STK3: variants seen among roughly 807,000 people sequenced by gnomAD.
STK3 encodes serine/threonine-protein kinase 3.
STK3 carries 41 observed loss-of-function variants against 58.0 expected under a neutral mutation model. The ratio of observed to expected loss-of-function variants is 0.71; its 90% confidence interval spans 0.55 to 0.92. STK3 has a LOEUF of 0.92. Among genes scored for constraint, STK3 ranks in the 40% least tolerant of loss-of-function variants. The pLI, the probability that STK3 is intolerant of heterozygous loss-of-function variation, is 0.00. For synonymous variants in STK3, 170 were observed against 191.0 expected (o/e 0.89, Z 0.91); for missense variants, 479 against 602.7 (o/e 0.79, Z 2.15).
rs896368247 is a variant in STK3 at position 98,800,488 on chromosome 8, C to T, written c.26+25027G>A. ...TCGGCCTCGGTGTCCACTCTGGCCACGCTTGAGGAGCCCTTCAGCCTGCCG... is the reference window on the plus strand; with the variant it reads ...TCGGCCTCGGTGTCCACTCTGGCCATGCTTGAGGAGCCCTTCAGCCTGCCG... On this transcript the variant is annotated intron_variant, in intron 1 of 10. Transcript: ENST00000419617. This position sits in a 1 kb window ranked among gnomAD's most constrained non-coding sequence, Gnocchi z 4.8. Among the ~76,000 whole-genome samples, 40 of 152,246 alleles carry T rather than the reference C, an allele frequency of 2.6e-4. No individual in the cohort carries two copies. Among genetic ancestry groups the T allele is most frequent in the Non-Finnish European group, 4.3e-4 (29 of 68,044 alleles).
chr8:98,711,872 A>G (rs896430479), intron 4 of STK3, among the ~76,000 whole-genome samples: 37 of 152,274 alleles, frequency 2.4e-4, no homozygotes, highest in Non-Finnish European at 2.9e-4. Context: ...AAATGTTAAC[A>G]GTAGCCAGAG....
intron 8 of STK3, among the ~76,000 whole-genome samples, chr8:98,551,225 C>T (rs1318203429): frequency 6.6e-6 from 1 of 152,140 alleles, no homozygotes; most frequent in Non-Finnish European, 1.5e-5. Flanking sequence ...GTTAATTATT[C>T]TCTTTTCTAA....
At chr8:98,905,275 C>A in intron 1 of STK3, 1 of 827,878 alleles carries the variant, frequency 1.2e-6, no homozygotes, top group Non-Finnish European at 2.1e-6. Flanking sequence ...GTTGTCAAGG[C>A]CCCTGACGGT....
intron 3 of STK3, among the ~76,000 whole-genome samples, chr8:98,868,819 T>C (rs535515528): frequency 6.7e-6 from 1 of 148,942 alleles, no homozygotes; most frequent in East Asian, 2.0e-4. Flanking sequence ...AAATAAAAAA[T>C]AAAAAAAAAT....
chr8:98,486,343 C>A (rs1465212161), intron 10 of STK3, among the ~76,000 whole-genome samples: 1 of 152,110 alleles, frequency 6.6e-6, no homozygotes, highest in Admixed American at 6.5e-5. Context: ...AACAGACATA[C>A]AAACAACTAA....
chr8:98,394,878 G>C (rs568452176), intron 3 of STK3, among the ~76,000 whole-genome samples: 1 of 152,352 alleles, frequency 6.6e-6, no homozygotes, highest in East Asian at 1.9e-4. Context: ...ACAGAGAGAA[G>C]AAACATGACT....
At chr8:98,784,644 T>C (rs1832340926) in intron 1 of STK3, among the ~76,000 whole-genome samples, 1 of 152,120 alleles carries the variant, frequency 6.6e-6, no homozygotes, top group African/African-American at 2.4e-5. Context: ...TCTAGAGCTA[T>C]TCAGAGCACC....
chr8:98,457,236 G>C (rs1819564498), intron 10 of STK3, among the ~76,000 whole-genome samples: 1 of 152,142 alleles, frequency 6.6e-6, no homozygotes, highest in African/African-American at 2.4e-5. Flanking sequence ...TTTCTTCATT[G>C]ATTTTTAATC....
At position 98,596,146 on chromosome 8, in the gene STK3, A is replaced by ATTT. The variant is rs1276072004; in HGVS notation, c.705_707dup (p.Thr235_Asn236insLys). On this transcript the variant is annotated inframe_insertion, in exon 7 of 11. Transcript: ENST00000419617. ...CTGGCTTTCTGAATGTTGGTGGTGG[A>ATTT]TTTGTGGGAATCATAAAAATAGCCT... 6.2e-7 allele frequency: 1 copy of ATTT among 1,612,778 alleles called. No individual in the cohort carries two copies. The highest frequency in any genetic ancestry group is 1.1e-5 in the South Asian group (1 of 90,726).
At chr8:98,825,416 C>A (rs1042869772) in intron 1 of STK3, 99 bp downstream of exon 1, 47 of 1,144,720 alleles carry the variant, frequency 4.1e-5, no homozygotes, top group Admixed American at 4.7e-5. Context: ...CGGGGCCCGG[C>A]GGGCGGGGAG....
intron 4 of STK3, among the ~76,000 whole-genome samples, chr8:98,731,275 G>A (rs541388392): frequency 6.6e-6 from 1 of 152,234 alleles, no homozygotes; most frequent in Admixed American, 6.5e-5. Context: ...GGGAAAGGGA[G>A]TTCACTTTTT....
chr8:98,927,821 G>A (rs528891645), intron 1 of STK3, among the ~76,000 whole-genome samples: 1 of 152,182 alleles, frequency 6.6e-6, no homozygotes, highest in Non-Finnish European at 1.5e-5. Context: ...CACAGAGTGG[G>A]AGCTGTCTGC....
At chr8:98,681,363 T>C (rs1823635741) in intron 6 of STK3, among the ~76,000 whole-genome samples, 1 of 151,974 alleles carries the variant, frequency 6.6e-6, no homozygotes, top group Admixed American at 6.6e-5. Context: ...CAATAAGAGT[T>C]GACATAAAAG....
chr8:98,859,617 T>C (rs558657103), intron 3 of STK3, among the ~76,000 whole-genome samples: 1 of 152,320 alleles, frequency 6.6e-6, no homozygotes, highest in Non-Finnish European at 1.5e-5. Context: ...ATGAACAACA[T>C]AGCTCTTATG....
chr8:98,469,485 C>T (rs1022102302), intron 10 of STK3, among the ~76,000 whole-genome samples: 3 of 152,174 alleles, frequency 2.0e-5, no homozygotes, highest in Admixed American at 2.0e-4. Context: ...AGCCAGACAC[C>T]TGCCTTCTGA....
chr8:98,831,268 A>C (rs1015673324), intron 3 of STK3, among the ~76,000 whole-genome samples: 2 of 152,200 alleles, frequency 1.3e-5, no homozygotes, highest in Admixed American at 6.5e-5. Flanking sequence ...GCAGCTATTC[A>C]TTGAAACTAC....
rs187860648 is a variant in STK3, at chr8:98,798,141, T to C, written c.27-23322A>G. ...GCACTATACTAACAAATCTCATTAA[T>C]ATTAAACCAAACAAGTAATCTAATG... On this transcript the variant is annotated intron_variant, in intron 1 of 10. Coordinates refer to ENST00000419617, the MANE Select transcript of STK3 (RefSeq NM_006281.4). Among the ~76,000 whole-genome samples, 4 of 152,318 alleles carry C rather than the reference T, an allele frequency of 2.6e-5. No individual in the cohort carries two copies. The East Asian group carries it at 7.7e-4, about 29-fold the overall frequency.
chr8:98,773,890 G>T (rs969971742), intron 2 of STK3, among the ~76,000 whole-genome samples: 1 of 151,792 alleles, frequency 6.6e-6, no homozygotes, highest in South Asian at 2.1e-4. Flanking sequence ...TTCACCTTCC[G>T]GGTTCAAGCG....
At chr8:98,690,167 C>T (rs558718924) in intron 6 of STK3, among the ~76,000 whole-genome samples, 1 of 152,100 alleles carries the variant, frequency 6.6e-6, no homozygotes, top group South Asian at 2.1e-4. Flanking sequence ...CATTCCTATC[C>T]ATTATGTCAC....
Sources: allele counts gnomAD v4.1 joint callset (sites outside exome capture counted in the v4.1 genomes callset), GRCh38; gene constraint gnomAD v4.1.1; non-coding constraint Gnocchi (gnomAD v3.1); transcripts MANE v1.5; gene names NCBI Gene and HGNC (gene_info 2026-07-23, HGNC 2026-07-21).